Variants in TCTN2 observed in about 807,000 individuals in gnomAD.
TCTN2 encodes tectonic-2.
In TCTN2, 66 loss-of-function variants were observed where a neutral mutation model predicts 83.4. The observed-to-expected ratio is 0.79, with a 90% CI of 0.65 to 0.97. TCTN2 has a LOEUF of 0.97. Ranked by LOEUF, TCTN2 falls within the 50% of genes least tolerant of loss-of-function variation. The pLI is 0.00. For missense variants in TCTN2, 794 were observed against 858.1 expected, an observed-to-expected ratio of 0.93 and a Z score of 0.93; for synonymous variants, 301 against 326.7, an observed-to-expected ratio of 0.92 and a Z score of 0.85.
intron 15 of TCTN2, among the ~76,000 whole-genome samples, chr12:123,706,304 A>G (rs895559494): frequency 6.6e-6 from 1 of 152,208 alleles, no homozygotes; most frequent in Admixed American, 6.5e-5. Flanking sequence ...TGAGGATAAC[A>G]TGAGATGGTG....
chr12:123,700,173 G>A (rs1270985681), intron 14 of TCTN2: 1 of 374,348 alleles, frequency 2.7e-6, no homozygotes, highest in African/African-American at 2.1e-5. Flanking sequence ...CACCACATCT[G>A]GCTAATTTTT....
At chr12:123,707,513 C>A in intron 17 of TCTN2, 91 bp from the exon 18 acceptor site, 1 of 1,230,830 alleles carries the variant, frequency 8.1e-7, no homozygotes. Context: ...GTTAGGATTA[C>A]AGGAGTGAGC....
chr12:123,671,353 G>T (rs1593827283), intron 1 of TCTN2, 31 bp downstream of exon 1: 1 of 1,609,422 alleles, frequency 6.2e-7, no homozygotes, highest in Non-Finnish European at 8.5e-7. Flanking sequence ...ACCTCGGTGG[G>T]CCGGGGCTGA....
intron 5 of TCTN2, among the ~76,000 whole-genome samples, chr12:123,684,532 C>G (rs1269947905): frequency 6.6e-6 from 1 of 151,356 alleles, no homozygotes; most frequent in East Asian, 2.0e-4. Flanking sequence ...TGCTGAGTAG[C>G]TGGGATTACA....
intron 7 of TCTN2, among the ~76,000 whole-genome samples, chr12:123,689,744 GAA>G (rs372594313): frequency 6.6e-6 from 1 of 151,994 alleles, no homozygotes; most frequent in Non-Finnish European, 1.5e-5. Context: ...CTAGAATTTT[GAA>G]AAATATTTTA....
At chr12:123,671,746 C>A in intron 2 of TCTN2, 132 bp downstream of exon 2, 1 of 769,868 alleles carries the variant, frequency 1.3e-6, no homozygotes. Context: ...AGAAAAGGAT[C>A]GGGCGGCTGC....
chr12:123,672,826 G>A (rs150012413), intron 3 of TCTN2, among the ~76,000 whole-genome samples: 5,505 of 152,136 alleles, frequency 0.036, 324 homozygotes, highest in African/African-American at 0.12. Flanking sequence ...CGAGGAGGGC[G>A]GATCATCTGA....
intron 7 of TCTN2, 127 bp downstream of exon 7, chr12:123,688,304 C>G: frequency 8.0e-7 from 1 of 1,257,732 alleles, no homozygotes; most frequent in Non-Finnish European, 1.1e-6. Context: ...CAACCTCTGC[C>G]TCCCGGGTTC....
intron 5 of TCTN2, among the ~76,000 whole-genome samples, chr12:123,682,465 TTTG>T (rs747401784): frequency 6.6e-6 from 1 of 151,708 alleles, no homozygotes; most frequent in Non-Finnish European, 1.5e-5. Flanking sequence ...GTTTCTTTTT[TTTG>T]TTTGTTTTAT....
Position 123,672,074 on chromosome 12 carries a change from C to A in TCTN2, c.209C>A (p.Thr70Lys). 1 of 1,614,116 alleles carries A rather than the reference C, an allele frequency of 6.2e-7. No homozygotes were observed. Among genetic ancestry groups the A allele is most frequent in the Non-Finnish European group, 8.5e-7 (1 of 1,180,010 alleles). The change falls in exon 3 of 18, where the codon ACG (threonine) becomes AAG (lysine). Residue 70 changes from threonine to lysine, a missense_variant. Coordinates refer to ENST00000303372, the MANE Select transcript of TCTN2 (RefSeq NM_024809.5). ...QDEAGILPIP[T>K]CGVLNNETED... The stretch of plus-strand genomic sequence containing the variant: ...TCTTTAGGAATATTGCCAATTCCGA[C>A]GTGTGGAGTGCTGAACAATGAGACG...
intron 15 of TCTN2, among the ~76,000 whole-genome samples, chr12:123,705,019 A>G (rs1956213493): frequency 6.6e-6 from 1 of 152,104 alleles, no homozygotes; most frequent in South Asian, 2.1e-4. Flanking sequence ...CTGTGGTTAG[A>G]GACTTTGGCA....
At chr12:123,690,713 A>C in intron 8 of TCTN2, 39 bp downstream of exon 8, 3 of 1,609,876 alleles carry the variant, frequency 1.9e-6, no homozygotes, top group Non-Finnish European at 2.5e-6. Context: ...ACAGGCCCAA[A>C]CATGAATATA....
chr12:123,687,991 A>T (rs1304623583), intron 6 of TCTN2, 60 bp from the exon 7 acceptor site: 1 of 1,604,164 alleles, frequency 6.2e-7, no homozygotes, highest in African/African-American at 1.3e-5. Flanking sequence ...AACAACATTA[A>T]GGAAGAATTG....
intron 9 of TCTN2, 110 bp downstream of exon 9, chr12:123,692,833 C>T: frequency 2.3e-6 from 2 of 875,386 alleles, no homozygotes; most frequent in Non-Finnish European, 3.7e-6. Flanking sequence ...TAAAAAGGTT[C>T]ACAATAGTTA....
rs1046648691 is a variant in TCTN2, at chr12:123,671,715, T to A, written c.190+101T>A. ...CATCCTTGGGGCCCCCTGCCTCTGTTCTCTGCAAAGTCGCATGGGGAGAAA... is the reference window on the plus strand; with the variant it reads ...CATCCTTGGGGCCCCCTGCCTCTGTACTCTGCAAAGTCGCATGGGGAGAAA... On this transcript the variant is annotated intron_variant, in intron 2 of 17. Coordinates refer to ENST00000303372, the MANE Select transcript of TCTN2 (RefSeq NM_024809.5). 8.9e-6 allele frequency: 9 copies of A among 1,014,216 alleles called. No homozygotes were observed. In the African/African-American group the frequency reaches 1.3e-4, roughly 14 times the overall value. The allele number at this position is 1,014,216 out of a possible 1,614,324, so 62.8% of individuals were successfully genotyped here. A position where few individuals can be genotyped will look rare whatever the true frequency, so the allele number is the denominator to read the frequency against.
chr12:123,674,572 C>A (rs938949298), intron 4 of TCTN2, among the ~76,000 whole-genome samples: 1 of 151,970 alleles, frequency 6.6e-6, no homozygotes, highest in Non-Finnish European at 1.5e-5. Context: ...TCGGCACGTG[C>A]ATTGATTGTC....
Position 123,704,610 on chromosome 12 carries a change from T to G in TCTN2, c.1691T>G (p.Leu564Arg). 6.2e-7 allele frequency: 1 copy of G among 1,613,332 alleles called. No individual in the cohort carries two copies. The highest frequency in any genetic ancestry group is 8.5e-7 in the Non-Finnish European group (1 of 1,179,930). Residue 564 changes from leucine to arginine, a missense_variant, in exon 15 of 18, where the codon CTG (leucine) becomes CGG (arginine). Coordinates refer to ENST00000303372, the MANE Select transcript of TCTN2 (RefSeq NM_024809.5). Reference sequence around the variant, plus strand: ...ATGTGCCTGGATATTCCTGCTCACCTGAGCATCCGCATCCTCATCTCGGAT... The same window carrying G: ...ATGTGCCTGGATATTCCTGCTCACCGGAGCATCCGCATCCTCATCTCGGAT... ...NGMCLDIPAH[L>R]SIRILISDAG...
chr12:123,680,203 T>C (rs144904154), intron 5 of TCTN2, among the ~76,000 whole-genome samples: 2,762 of 151,600 alleles, frequency 0.018, 89 homozygotes, highest in African/African-American at 0.064. Flanking sequence ...AAATACAAAA[T>C]TAGCCAGGCG....
chr12:123,671,487 C>T lies in TCTN2; in HGVS notation c.83-20C>T, dbSNP rs1311027569. On this transcript the variant is annotated intron_variant, in intron 1 of 17. Coordinates refer to ENST00000303372, the MANE Select transcript of TCTN2 (RefSeq NM_024809.5). Reference sequence around the variant, plus strand: ...TCTTCCACTGCTAACCCCTCCTTGTCCCCTTTCCTTCCCGCCTAGCTTTCA... The same window carrying T: ...TCTTCCACTGCTAACCCCTCCTTGTTCCCTTTCCTTCCCGCCTAGCTTTCA... 4 of 1,612,078 alleles carry T rather than the reference C, an allele frequency of 2.5e-6. No homozygotes were observed. Among genetic ancestry groups the T allele is most frequent in the Non-Finnish European group, 2.5e-6 (3 of 1,178,234 alleles).
Sources: allele counts gnomAD v4.1 joint callset (sites outside exome capture counted in the v4.1 genomes callset), GRCh38; gene constraint gnomAD v4.1.1; transcripts MANE v1.5; gene names NCBI Gene and HGNC (gene_info 2026-07-23, HGNC 2026-07-21).